TMOD1: variants seen among roughly 807,000 people sequenced by gnomAD.
The protein encoded by TMOD1 is tropomodulin 1.
In TMOD1, 17 loss-of-function variants were observed where a neutral mutation model predicts 40.6. The observed-to-expected ratio is 0.42, with a 90% CI of 0.29 to 0.63. The LOEUF (loss-of-function observed/expected upper bound fraction) is 0.63, where lower values mean the gene tolerates loss of function less well. Among genes scored for constraint, TMOD1 ranks in the 20% least tolerant of loss-of-function variants. The pLI is 0.22. For missense variants in TMOD1, 391 were observed against 447.6 expected, an observed-to-expected ratio of 0.87 and a Z score of 1.14; for synonymous variants, 181 against 175.0, an observed-to-expected ratio of 1.03 and a Z score of -0.27.
rs568587769 is a variant in TMOD1 at position 97,541,117 on chromosome 9, CT to C, written c.121-5063del. ...ATAGTATTGAGCATTTTTTCATGAG[CT>C]TTTTGGCCATTTTTATATAATCTTT... On this transcript the variant is annotated intron_variant, in intron 2 of 9. Coordinates refer to ENST00000259365, the MANE Select transcript of TMOD1 (RefSeq NM_003275.4). Among the ~76,000 whole-genome samples the C allele has an allele frequency of 4.5e-4, 69 of 152,192 alleles. 3 individuals are homozygous for C. In the East Asian group the frequency reaches 0.013, roughly 29 times the overall value.
intron 7 of TMOD1, among the ~76,000 whole-genome samples, chr9:97,567,460 G>A (rs1370487507): frequency 6.6e-6 from 1 of 152,162 alleles, no homozygotes; most frequent in African/African-American, 2.4e-5. Context: ...TTTTCTCCTG[G>A]CCCCGGTTCC....
rs1363569061 is a variant in TMOD1, at chr9:97,600,053, G to A, written c.*355G>A. 3.8e-6 allele frequency: 4 copies of A among 1,064,018 alleles called. No homozygotes were observed. The African/African-American group carries it at 4.9e-5, about 13-fold the overall frequency. 65.9% of individuals were successfully genotyped at this position (1,064,018 alleles called of 1,614,324 possible). ...TGTTTCAAGTGCATTTAAAATGTGT[G>A]ACACAGAAACGGCACACTCTTCCAC... On this transcript the variant is annotated 3_prime_UTR_variant, in exon 10 of 10. Coordinates refer to ENST00000259365, the MANE Select transcript of TMOD1 (RefSeq NM_003275.4).
rs770767289 is a variant in TMOD1, at chr9:97,564,067, G to A, written c.517G>A (p.Val173Met). The A allele has an allele frequency of 3.7e-6, 6 of 1,614,184 alleles. No homozygotes were observed. The East Asian group carries it at 8.9e-5, about 24-fold the overall frequency. ...SVIKPTQYKP[V>M]PDEEPNSTDV... ...GATTAAACCCACACAATACAAGCCT[G>A]TGCCCGACGAAGAACCAAATTCAAC... Residue 173 changes from valine to methionine, a missense_variant, in exon 6 of 10, where the codon GTG becomes ATG. Transcript: ENST00000259365.
intron 1 of TMOD1, among the ~76,000 whole-genome samples, chr9:97,517,172 C>A (rs1182717491): frequency 1.3e-5 from 2 of 151,598 alleles, no homozygotes; most frequent in Non-Finnish European, 2.9e-5. Flanking sequence ...CATAGCAAGA[C>A]CTCATCTCTA....
In TMOD1 at chr9:97,599,801, T is replaced by C; in HGVS notation, c.*103T>C. The C allele has an allele frequency of 6.3e-7, 1 of 1,589,762 alleles. No homozygotes were observed. The highest frequency in any genetic ancestry group is 8.6e-7 in the Non-Finnish European group (1 of 1,165,460). On this transcript the variant is annotated 3_prime_UTR_variant, in exon 10 of 10. Transcript: ENST00000259365. ...GCAAAATGCTGGCAGCATGAAACCCTTTTGTGGTTCAGTTCTTTATGCACT... is the reference window on the plus strand; with the variant it reads ...GCAAAATGCTGGCAGCATGAAACCCCTTTGTGGTTCAGTTCTTTATGCACT...
intron 1 of TMOD1, among the ~76,000 whole-genome samples, chr9:97,510,059 T>C (rs757008150): frequency 6.6e-6 from 1 of 152,200 alleles, no homozygotes; most frequent in Non-Finnish European, 1.5e-5. Context: ...AGCTTGCCGT[T>C]TGCTTTTTGG....
rs185791376 is a variant in TMOD1 at position 97,538,221 on chromosome 9, C to T, written c.121-7964C>T. 3.1e-3 allele frequency among the ~76,000 whole-genome samples: 478 copies of T among 152,226 alleles called. 4 individuals carry two copies. The highest frequency in any genetic ancestry group is 0.011 in the African/African-American group (447 of 41,524). ...AGAATTTCCTCCTCCTTAAAACCTG[C>T]GCTAAATTTCCTATCAGGTAATGAT... On this transcript the variant is annotated intron_variant, in intron 2 of 9. Coordinates refer to ENST00000259365, the MANE Select transcript of TMOD1 (RefSeq NM_003275.4).
At chr9:97,533,985 C>T (rs1830141185) in intron 2 of TMOD1, among the ~76,000 whole-genome samples, 8 of 152,028 alleles carry the variant, frequency 5.3e-5, no homozygotes, top group Admixed American at 5.2e-4. Context: ...GCCCTATAGC[C>T]ATAATAGCCA....
intron 7 of TMOD1, among the ~76,000 whole-genome samples, chr9:97,568,010 T>C (rs938735670): frequency 1.3e-5 from 2 of 152,108 alleles, no homozygotes; most frequent in Non-Finnish European, 2.9e-5. Context: ...CTGATTGTCA[T>C]CTACACCCCC....
rs910220835 is a variant in TMOD1, at chr9:97,558,585, G to A, written c.398-4147G>A. On this transcript the variant is annotated intron_variant, in intron 4 of 9. Coordinates refer to ENST00000259365, the MANE Select transcript of TMOD1 (RefSeq NM_003275.4). Reference sequence around the variant, plus strand: ...CAGCCTCCCAAGTAGCTGGGATCACGGGCGTGTGCCACCATGCCCTGCTAA... The same window carrying A: ...CAGCCTCCCAAGTAGCTGGGATCACAGGCGTGTGCCACCATGCCCTGCTAA... Among the ~76,000 whole-genome samples the A allele has an allele frequency of 7.9e-5, 12 of 152,134 alleles. 1 individual carries two copies. The highest frequency in any genetic ancestry group is 4.1e-4 in the South Asian group (2 of 4,820).
intron 8 of TMOD1, among the ~76,000 whole-genome samples, chr9:97,589,715 A>C (rs1825962428): frequency 6.6e-6 from 1 of 152,110 alleles, no homozygotes; most frequent in African/African-American, 2.4e-5. Flanking sequence ...TTTCTTGCTT[A>C]ATTATCCTGT....
At chr9:97,559,875 C>G (rs1830611549) in intron 4 of TMOD1, among the ~76,000 whole-genome samples, 1 of 131,928 alleles carries the variant, frequency 7.6e-6, no homozygotes, top group Non-Finnish European at 1.6e-5. Context: ...ATTGGTTGGT[C>G]CAGGATGGAG....
chr9:97,593,595 AG>A (rs1368416081), intron 9 of TMOD1, among the ~76,000 whole-genome samples: 3 of 152,156 alleles, frequency 2.0e-5, no homozygotes, highest in African/African-American at 7.2e-5. Context: ...CTCTGACTGA[AG>A]AAGCTTTATA....
rs146107198 is a variant in TMOD1 at position 97,523,666 on chromosome 9, A to G, written c.-48-475A>G. 5.6e-3 allele frequency among the ~76,000 whole-genome samples: 856 copies of G among 152,284 alleles called. 18 individuals are homozygous for G. The highest frequency in any genetic ancestry group is 0.051 in the Admixed American group (787 of 15,296). On this transcript the variant is annotated intron_variant, in intron 1 of 9. Transcript: ENST00000259365. ...GCTATTTCTATGAACTACTTTTTGT[A>G]AGGATTGAATGAGATGGTGTAGGTG...
At chr9:97,585,757 A>G (rs1587960369) in intron 8 of TMOD1, among the ~76,000 whole-genome samples, 1 of 135,334 alleles carries the variant, frequency 7.4e-6, no homozygotes, top group Admixed American at 7.7e-5. Context: ...CATTCATTTC[A>G]TCTTCCATTG....
At chr9:97,501,647 C>CCCGCCCGCGG (rs1829502602), upstream of TMOD1, 5 of 148,764 alleles carry the variant, frequency 3.4e-5, no homozygotes, top group South Asian at 9.0e-4. Flanking sequence ...ACAGCTCCCG[C>CCCGCCCGCGG]CCGCCCGCGG....
intron 6 of TMOD1, among the ~76,000 whole-genome samples, chr9:97,564,456 G>T (rs925059186): frequency 6.6e-6 from 1 of 152,296 alleles, no homozygotes; most frequent in South Asian, 2.1e-4. Context: ...AACCTGCCAC[G>T]TTATTCAAAA....
At chr9:97,592,265 T>A (rs938988687) in intron 9 of TMOD1, among the ~76,000 whole-genome samples, 1 of 151,966 alleles carries the variant, frequency 6.6e-6, no homozygotes, top group Admixed American at 6.6e-5. Flanking sequence ...GACAAGGCTA[T>A]AGGAAAACAA....
chr9:97,521,544 G>A (rs912809745), intron 1 of TMOD1, among the ~76,000 whole-genome samples: 1 of 152,156 alleles, frequency 6.6e-6, no homozygotes, highest in Admixed American at 6.5e-5. Context: ...AAATTAGGCT[G>A]TTTTCTGAGG....
Sources: allele counts gnomAD v4.1 joint callset (sites outside exome capture counted in the v4.1 genomes callset), GRCh38; gene constraint gnomAD v4.1.1; transcripts MANE v1.5; gene names NCBI Gene and HGNC (gene_info 2026-07-23, HGNC 2026-07-21).